Variants in SCFD2 observed in about 807,000 individuals in gnomAD.
The protein encoded by SCFD2 is sec1 family domain-containing protein 2.
Under a neutral mutation model 58.9 loss-of-function variants are expected in SCFD2, and 54 were observed. The ratio of observed to expected loss-of-function variants is 0.92; its 90% CI spans 0.74 to 1.15. SCFD2 has a LOEUF of 1.15. SCFD2 is among the 50% of genes most tolerant of loss of function. The pLI is 0.00. For synonymous variants in SCFD2, 321 were observed against 335.9 expected (o/e 0.96, Z 0.49); for missense variants, 805 against 836.6 (o/e 0.96, Z 0.47).
intron 4 of SCFD2, among the ~76,000 whole-genome samples, chr4:53,236,160 C>A (rs1413245757): frequency 1.3e-5 from 2 of 152,020 alleles, no homozygotes; most frequent in South Asian, 4.1e-4. Context: ...CAGCTGCCAG[C>A]GAATATAAAG....
At chr4:52,899,349 T>C (rs1719118102) in intron 7 of SCFD2, among the ~76,000 whole-genome samples, 1 of 152,206 alleles carries the variant, frequency 6.6e-6, no homozygotes, top group African/African-American at 2.4e-5. Context: ...GGCCTGGTGG[T>C]GACAAAATCT....
chr4:52,980,277 C>A (rs138231187), intron 5 of SCFD2, among the ~76,000 whole-genome samples: 2 of 152,308 alleles, frequency 1.3e-5, no homozygotes, highest in Admixed American at 6.5e-5. Context: ...GTTCTTACAG[C>A]AATTCTATGA....
rs1486316576 is a variant in SCFD2 at position 53,145,458 on chromosome 4, T to G, written c.1436A>C (p.Tyr479Ser). 1.2e-6 allele frequency: 2 copies of G among 1,614,138 alleles called. No individual in the cohort carries two copies. Among genetic ancestry groups the G allele is most frequent in the Admixed American group, 3.3e-5 (2 of 60,010 alleles). ...TACCGTGAGCTCTCCAGTGACAGAA[T>G]AAATATATATGAGAAGGATCAGCAG... ...EELLILLIYI[Y>S]SVTGELTVDK... The change falls in exon 5 of 9, where the codon TAT becomes TCT. Residue 479 changes from tyrosine (Y) to serine (S), a missense_variant. Physicochemically the swap from Tyr to Ser is moderately radical, Grantham distance 144. Around this residue, in one of 3 missense-constraint regions of SCFD2, gnomAD observed 633 missense variants for 646.8 expected, o/e 0.98. Coordinates refer to ENST00000401642, the MANE Select transcript of SCFD2 (RefSeq NM_152540.4).
intron 5 of SCFD2, among the ~76,000 whole-genome samples, chr4:52,926,431 T>G (rs301131): frequency 0.21 from 31,243 of 151,862 alleles, 3,734 homozygotes; most frequent in East Asian, 0.51. Context: ...CACATATGCA[T>G]TTATGCAGGT....
intron 3 of SCFD2, among the ~76,000 whole-genome samples, chr4:53,312,879 T>C (rs1732732775): frequency 1.3e-5 from 2 of 152,074 alleles, no homozygotes; most frequent in Non-Finnish European, 2.9e-5. Context: ...TTCTACCTAT[T>C]AACCAGATTC....
chr4:53,298,843 G>A (rs370895713), intron 3 of SCFD2, among the ~76,000 whole-genome samples: 1 of 152,216 alleles, frequency 6.6e-6, no homozygotes, highest in Non-Finnish European at 1.5e-5. Context: ...AGGGTCTGGA[G>A]TGGACCTCCA....
intron 5 of SCFD2, among the ~76,000 whole-genome samples, chr4:53,133,283 G>A (rs182599062): frequency 2.4e-3 from 340 of 141,074 alleles, no homozygotes; most frequent in Non-Finnish European, 3.9e-3. Flanking sequence ...AGCCCAGATC[G>A]CGCCACTGCA....
chr4:52,941,612 A>G (rs1364064502), intron 5 of SCFD2, among the ~76,000 whole-genome samples: 1 of 152,228 alleles, frequency 6.6e-6, no homozygotes, highest in Non-Finnish European at 1.5e-5. Flanking sequence ...ACTCCGGTTC[A>G]CTTATCTGGC....
intron 5 of SCFD2, among the ~76,000 whole-genome samples, chr4:52,927,561 C>T (rs1719891766): frequency 6.6e-6 from 1 of 152,210 alleles, no homozygotes; most frequent in South Asian, 2.1e-4. Context: ...CTTTCAAAAA[C>T]ATCCAATTTG....
intron 4 of SCFD2, among the ~76,000 whole-genome samples, chr4:53,164,643 A>C (rs1210787672): frequency 6.6e-6 from 1 of 152,020 alleles, no homozygotes; most frequent in Non-Finnish European, 1.5e-5. Context: ...AAAATACAAA[A>C]ATTAGCCGGG....
At chr4:53,255,197 T>TA (rs71662213) in intron 4 of SCFD2, among the ~76,000 whole-genome samples, 3 of 140,680 alleles carry the variant, frequency 2.1e-5, no homozygotes, top group African/African-American at 7.8e-5. Context: ...TTTTTTTCTT[T>TA]TTTATTTATT....
chr4:53,096,538 A>C (rs1216283254), intron 5 of SCFD2, among the ~76,000 whole-genome samples: 1 of 152,042 alleles, frequency 6.6e-6, no homozygotes, highest in Non-Finnish European at 1.5e-5. Context: ...GTCTGTTCAT[A>C]TCCTTTGCCC....
In SCFD2 at chr4:52,918,760, C is replaced by G. The variant is rs538377265; in HGVS notation, c.1707+1965G>C. 2.6e-5 allele frequency among the ~76,000 whole-genome samples: 4 copies of G among 152,268 alleles called. No individual in the cohort carries two copies. In the South Asian group the frequency reaches 8.3e-4, roughly 32 times the overall value. The stretch of plus-strand genomic sequence containing the variant: ...ACCTACATGTCCCCTCACTGCCACC[C>G]AATTGATCATGGACCTCTGTTTCAG... On this transcript the variant is annotated intron_variant, in intron 6 of 8. Transcript: ENST00000401642.
At chr4:53,355,287 T>C (rs1160630125) in intron 1 of SCFD2, among the ~76,000 whole-genome samples, 3 of 152,216 alleles carry the variant, frequency 2.0e-5, no homozygotes, top group Admixed American at 1.3e-4. Context: ...AGAATTGTAG[T>C]GATCTTGCAG....
At chr4:52,930,949 A>G (rs1424538374) in intron 5 of SCFD2, among the ~76,000 whole-genome samples, 1 of 152,164 alleles carries the variant, frequency 6.6e-6, no homozygotes, top group Non-Finnish European at 1.5e-5. Flanking sequence ...CAGATCTCTC[A>G]CAGCGTTTCG....
chr4:52,933,542 G>C (rs1720053285), intron 5 of SCFD2, among the ~76,000 whole-genome samples: 1 of 152,180 alleles, frequency 6.6e-6, no homozygotes. Flanking sequence ...GTTTGAGAGA[G>C]TGGGGCTTGG....
At chr4:52,997,317 C>T (rs1219245671) in intron 5 of SCFD2, among the ~76,000 whole-genome samples, 1 of 152,234 alleles carries the variant, frequency 6.6e-6, no homozygotes, top group East Asian at 1.9e-4. Context: ...GCCCTCTGCA[C>T]TTGGATCAAG....
At chr4:53,249,665 A>G (rs1463948333) in intron 4 of SCFD2, among the ~76,000 whole-genome samples, 6 of 152,198 alleles carry the variant, frequency 3.9e-5, no homozygotes, top group African/African-American at 1.2e-4. Flanking sequence ...ATTCTTAAAG[A>G]AAAGAATTTT....
chr4:53,259,959 A>ATTT (rs3065029), intron 4 of SCFD2, among the ~76,000 whole-genome samples: 3,043 of 142,098 alleles, frequency 0.021, 35 homozygotes, highest in Middle Eastern at 0.082. Context: ...ATAACCAGGT[A>ATTT]TTTTTTTTTT....
Sources: allele counts gnomAD v4.1 joint callset (sites outside exome capture counted in the v4.1 genomes callset), GRCh38; gene constraint gnomAD v4.1.1; regional missense constraint gnomAD v4.1.1; transcripts MANE v1.5; gene names NCBI Gene and HGNC (gene_info 2026-07-23, HGNC 2026-07-21).